MAML3: variants seen among roughly 807,000 people sequenced by gnomAD.
The protein encoded by MAML3 is mastermind-like protein 3.
In MAML3, 27 loss-of-function variants were observed where a neutral mutation model predicts 101.9. The ratio of observed to expected loss-of-function variants is 0.27; its 90% CI spans 0.20 to 0.37. MAML3 has a LOEUF of 0.37. MAML3 is among the 10% of genes least tolerant of loss of function. The pLI, the probability that MAML3 is intolerant of heterozygous loss-of-function variation, is 1.00. For missense variants in MAML3, 1,316 were observed against 1,444.9 expected (o/e 0.91, Z 1.45); for synonymous variants, 501 against 555.9 (o/e 0.90, Z 1.39).
chr4:139,763,161 C>CTGCATCCT (rs1405157951), intron 2 of MAML3, among the ~76,000 whole-genome samples: 9 of 152,346 alleles, frequency 5.9e-5, no homozygotes, highest in Non-Finnish European at 7.3e-5. Flanking sequence ...ATTGAAAGAT[C>CTGCATCCT]TGCATCCTTG....
intron 2 of MAML3, among the ~76,000 whole-genome samples, chr4:139,768,669 A>G (rs940381616): frequency 5.9e-5 from 9 of 152,240 alleles, no homozygotes; most frequent in African/African-American, 2.2e-4. Flanking sequence ...TACTCTTAGT[A>G]CTACGCTGAT....
chr4:139,822,219 TCACCATCACCAC>T (rs1383036998), intron 2 of MAML3, among the ~76,000 whole-genome samples: 3 of 144,290 alleles, frequency 2.1e-5, no homozygotes, highest in South Asian at 2.3e-4. Context: ...ATTATCATTA[TCACCATCACCAC>T]CACCACCACC....
At chr4:139,883,063 C>T (rs1016348113) in intron 2 of MAML3, among the ~76,000 whole-genome samples, 3 of 152,098 alleles carry the variant, frequency 2.0e-5, no homozygotes, top group East Asian at 1.9e-4. Flanking sequence ...AAACAGACGA[C>T]GCAACACAGA....
At chr4:139,870,381 C>T (rs1283013495) in intron 2 of MAML3, among the ~76,000 whole-genome samples, 1 of 152,010 alleles carries the variant, frequency 6.6e-6, no homozygotes. Flanking sequence ...GATTGGGGAA[C>T]AAAACATCTG....
At chr4:139,811,038 A>G (rs1333955038) in intron 2 of MAML3, among the ~76,000 whole-genome samples, 1 of 152,264 alleles carries the variant, frequency 6.6e-6, no homozygotes, top group Non-Finnish European at 1.5e-5. Context: ...GATAACAAGC[A>G]TGAGGATAAA....
rs113539705 is a variant in MAML3, at chr4:139,769,416, A to T, written c.2080-38749T>A. 3.9e-3 allele frequency among the ~76,000 whole-genome samples: 594 copies of T among 152,312 alleles called. 5 individuals carry two copies. Among genetic ancestry groups the T allele is most frequent in the African/African-American group, 0.013 (550 of 41,566 alleles). ...TGTCCATTTTGTTCTATAATCCACA[A>T]GAGAAGACCATCTGCACAGCAGTGA... On this transcript the variant is annotated intron_variant, in intron 2 of 4. Transcript: ENST00000509479.
intron 2 of MAML3, among the ~76,000 whole-genome samples, chr4:139,792,060 T>C (rs781715823): frequency 2.0e-5 from 3 of 152,236 alleles, no homozygotes; most frequent in Non-Finnish European, 2.9e-5. Flanking sequence ...CAGCGCTACA[T>C]ACATTTTTGT....
chr4:140,069,699 AAGAAGG>A (rs1230532958), intron 1 of MAML3, among the ~76,000 whole-genome samples: 1 of 151,862 alleles, frequency 6.6e-6, no homozygotes, highest in East Asian at 1.9e-4. Context: ...AAAGAAGAAG[AAGAAGG>A]AGGAAGAAAG....
At chr4:139,793,087 A>G (rs573313703) in intron 2 of MAML3, among the ~76,000 whole-genome samples, 1 of 152,258 alleles carries the variant, frequency 6.6e-6, no homozygotes, top group African/African-American at 2.4e-5. Flanking sequence ...ATGGGTGGGC[A>G]TTACCTCACT....
intron 1 of MAML3, among the ~76,000 whole-genome samples, chr4:140,063,329 A>C (rs1727478340): frequency 6.6e-6 from 1 of 152,252 alleles, no homozygotes. Context: ...AGAGGAGGAC[A>C]GGACTGTAAT....
intron 2 of MAML3, among the ~76,000 whole-genome samples, chr4:139,794,671 T>C (rs183971327): frequency 6.6e-6 from 1 of 152,376 alleles, no homozygotes; most frequent in Admixed American, 6.5e-5. Flanking sequence ...AATGATTTCC[T>C]ACTGGGAAAA....
At chr4:140,152,732 G>C in intron 1 of MAML3, 128 bp downstream of exon 1, 1 of 1,442,098 alleles carries the variant, frequency 6.9e-7, no homozygotes, top group South Asian at 1.4e-5. Context: ...TTAACCCTTA[G>C]GCTTCAGCCC....
intron 1 of MAML3, among the ~76,000 whole-genome samples, chr4:140,067,401 G>T (rs905117649): frequency 7.2e-5 from 11 of 152,186 alleles, no homozygotes; most frequent in Non-Finnish European, 1.3e-4. Flanking sequence ...GCTTGGGATA[G>T]CCAACAAGGT....
chr4:139,843,262 A>G (rs1337790239), intron 2 of MAML3, among the ~76,000 whole-genome samples: 1 of 152,140 alleles, frequency 6.6e-6, no homozygotes, highest in Non-Finnish European at 1.5e-5. Context: ...TCAATCTACT[A>G]TGGAGCTCAG....
chr4:139,719,046 G>T lies in MAML3; in HGVS notation c.*277C>A. ...GGGCATGCTGGGCAGAGGGGCTCTG[G>T]CCGGCTTCATCTTCCCACCTGCTCC... On this transcript the variant is annotated 3_prime_UTR_variant, in exon 5 of 5. Transcript: ENST00000509479. 7.3e-6 allele frequency: 3 copies of T among 412,624 alleles called. No homozygotes were observed. The highest frequency in any genetic ancestry group is 1.3e-5 in the Non-Finnish European group (3 of 231,468). The allele number at this position is 412,624 out of a possible 1,614,324, so 25.6% of individuals were successfully genotyped here.
At chr4:140,070,460 A>G (rs1727629485) in intron 1 of MAML3, among the ~76,000 whole-genome samples, 1 of 152,230 alleles carries the variant, frequency 6.6e-6, no homozygotes, top group Non-Finnish European at 1.5e-5. Context: ...AGATATTCAG[A>G]ATAAAGTAGA....
At chr4:139,900,883 C>G (rs1344078700) in intron 1 of MAML3, among the ~76,000 whole-genome samples, 1 of 152,204 alleles carries the variant, frequency 6.6e-6, no homozygotes, top group African/African-American at 2.4e-5. Context: ...CTTTACATAT[C>G]TTACCTCGAT....
chr4:139,817,235 G>T (rs1234277142), intron 2 of MAML3, among the ~76,000 whole-genome samples: 1 of 152,188 alleles, frequency 6.6e-6, no homozygotes, highest in Non-Finnish European at 1.5e-5. Flanking sequence ...TGGATGGATG[G>T]ATGGATGAAT....
At chr4:139,891,087 G>A (rs921874313) in intron 1 of MAML3, 120 bp from the exon 2 acceptor site, 6 of 1,179,360 alleles carry the variant, frequency 5.1e-6, no homozygotes, top group African/African-American at 1.5e-5. Flanking sequence ...CAGGAAAGAA[G>A]TCATACTTAT....
Sources: gnomAD v4.1 joint callset for allele counts (sites outside exome capture counted in the v4.1 genomes callset) on GRCh38, gnomAD v4.1.1 for gene constraint, MANE v1.5 for transcripts, NCBI Gene and HGNC (gene_info 2026-07-23, HGNC 2026-07-21) for gene names.